Variants in ZNF710 observed in about 807,000 individuals in gnomAD.
ZNF710 encodes the protein zinc finger protein 710.
In ZNF710, 13 loss-of-function variants were observed where a neutral mutation model predicts 50.6. The ratio of observed to expected loss-of-function variants is 0.26; its 90% confidence interval spans 0.17 to 0.41. The LOEUF is 0.41. Ranked by LOEUF, ZNF710 falls within the 10% of genes least tolerant of loss-of-function variation. The probability of loss-of-function intolerance (pLI) is 1.00; values close to 1 mark genes in which losing one functional copy is unlikely to be tolerated. For missense variants in ZNF710, 721 were observed against 936.6 expected (o/e 0.77, Z 3.01); for synonymous variants, 383 against 397.0 (o/e 0.96, Z 0.42).
intron 1 of ZNF710, 23 bp downstream of exon 1, chr15:90,001,637 C>CGCCCCA (rs547516817): frequency 0.035 from 4,974 of 144,044 alleles, 122 homozygotes; most frequent in Non-Finnish European, 0.052. Flanking sequence ...CGCGGCCCCC[C>CGCCCCA]GCCCCAGCCC....
rs375360691 is a variant in ZNF710, at chr15:90,067,671, G to T, written c.534G>T (p.Pro178=). The part of the protein sequence containing the change: ...PRTLRHLPRT[P]RPELNVAPYD... Reference sequence around the variant, plus strand: ...CGCTCCGGCATCTGCCCCGAACCCCGAGGCCGGAGCTGAACGTGGCCCCAT... The same window carrying T: ...CGCTCCGGCATCTGCCCCGAACCCCTAGGCCGGAGCTGAACGTGGCCCCAT... Residue 178 remains proline (P), a synonymous_variant, in exon 2 of 5, where the codon CCG becomes CCT. Transcript: ENST00000268154. The surrounding 1 kb of genome is among the most constrained non-coding windows in gnomAD (Gnocchi z 8.1). 6.2e-7 allele frequency: 1 copy of T among 1,612,946 alleles called. No homozygotes were observed.
At chr15:90,065,979 G>C (rs1415312128) in intron 1 of ZNF710, among the ~76,000 whole-genome samples, 1 of 152,126 alleles carries the variant, frequency 6.6e-6, no homozygotes, top group East Asian at 1.9e-4. Context: ...CATTCAATTC[G>C]GATAGTGGCC....
At chr15:90,008,224 T>C (rs1295888860) in intron 1 of ZNF710, among the ~76,000 whole-genome samples, 1 of 151,806 alleles carries the variant, frequency 6.6e-6, no homozygotes, top group Non-Finnish European at 1.5e-5. Flanking sequence ...CTCACAGACC[T>C]GACCCTTCCC....
In ZNF710 at chr15:90,067,926, G is replaced by A. The variant is rs2151528587; in HGVS notation, c.789G>A (p.Val263=). The A allele has an allele frequency of 4.3e-6, 7 of 1,613,558 alleles. 1 individual carries two copies. In the East Asian group the frequency reaches 1.6e-4, roughly 36 times the overall value. The change falls in exon 2 of 5, where the codon GTG becomes GTA. Residue 263 remains valine (V), a synonymous_variant. Coordinates refer to ENST00000268154, the MANE Select transcript of ZNF710 (RefSeq NM_198526.4). The surrounding 1 kb of genome is among the most constrained non-coding windows in gnomAD (Gnocchi z 8.1). ...EFEADTAGST[V]ERHKKAQLDR... is the part of the protein sequence containing the mutation. ...AGGCTGACACGGCGGGTTCGACCGT[G>A]GAACGCCACAAGAAGGCCCAGCTGG... is the stretch of plus-strand genomic sequence containing the variant.
At chr15:90,008,817 T>C (rs957287623) in intron 1 of ZNF710, among the ~76,000 whole-genome samples, 2 of 151,976 alleles carry the variant, frequency 1.3e-5, no homozygotes, top group South Asian at 4.1e-4. Flanking sequence ...CAATCACCAT[T>C]GTAAAGGATT....
rs1250446897 is a variant in ZNF710 at position 90,080,814 on chromosome 15, C to T, written c.*985C>T. On this transcript the variant is annotated 3_prime_UTR_variant, in exon 5 of 5. Transcript: ENST00000268154. ...ATTTTAAAAAGGAAAGTAAAGCCCA[C>T]AGAGGGAAATCAAGGGTTTTTTTGA... The T allele has an allele frequency of 6.6e-6, 1 of 152,260 alleles. No homozygotes were observed. Among genetic ancestry groups the T allele is most frequent in the African/African-American group, 2.4e-5 (1 of 41,456 alleles). The allele number at this position is 152,260 out of a possible 1,614,324, so 9.4% of individuals were successfully genotyped here.
At chr15:90,020,751 ATCTG>A (rs978843109) in intron 1 of ZNF710, among the ~76,000 whole-genome samples, 15 of 152,094 alleles carry the variant, frequency 9.9e-5, no homozygotes, top group African/African-American at 3.6e-4. Flanking sequence ...TAGCCCCGTT[ATCTG>A]TCTGGGGATG....
At chr15:90,000,866 G>C (rs1252931492), upstream of ZNF710, among the ~76,000 whole-genome samples, 1 of 152,088 alleles carries the variant, frequency 6.6e-6, no homozygotes, top group East Asian at 1.9e-4. Flanking sequence ...CTTGGGGGGG[G>C]CGGGGCGCAG....
chr15:90,046,809 G>C (rs1899476574), intron 1 of ZNF710, among the ~76,000 whole-genome samples: 1 of 152,196 alleles, frequency 6.6e-6, no homozygotes, highest in South Asian at 2.1e-4. Flanking sequence ...ATGAGCTGTG[G>C]TGTGGGTAAA....
chr15:90,008,424 G>GTGTATATATATATATACATATATATATA (rs1596261843), intron 1 of ZNF710, among the ~76,000 whole-genome samples: 12 of 126,306 alleles, frequency 9.5e-5, no homozygotes, highest in Middle Eastern at 3.7e-3. Context: ...GTGTGTGTGT[G>GTGTATATATATATATACATATATATATA]TGTATATATA....
intron 1 of ZNF710, among the ~76,000 whole-genome samples, chr15:90,021,191 C>G (rs1332759658): frequency 6.6e-6 from 1 of 152,230 alleles, no homozygotes; most frequent in African/African-American, 2.4e-5. Flanking sequence ...GCATTAGACA[C>G]AGAAACACAG....
chr15:90,038,848 A>G (rs769735895), intron 1 of ZNF710, among the ~76,000 whole-genome samples: 3 of 152,098 alleles, frequency 2.0e-5, no homozygotes, highest in Admixed American at 6.5e-5. Flanking sequence ...CTCACCTGAT[A>G]ATTGCTTCAT....
upstream of ZNF710, among the ~76,000 whole-genome samples, chr15:90,000,775 G>T (rs1028898069): frequency 6.6e-6 from 1 of 152,152 alleles, no homozygotes; most frequent in Non-Finnish European, 1.5e-5. Flanking sequence ...TCGCACTTGG[G>T]AAGGAACCGG....
chr15:90,017,860 C>T (rs557167795), intron 1 of ZNF710, among the ~76,000 whole-genome samples: 28 of 152,124 alleles, frequency 1.8e-4, no homozygotes, highest in East Asian at 5.8e-4. Context: ...ATAAAGGGAC[C>T]GGCAACATTG....
At chr15:90,019,950 T>C (rs531542283) in intron 1 of ZNF710, among the ~76,000 whole-genome samples, 11 of 152,242 alleles carry the variant, frequency 7.2e-5, no homozygotes, top group East Asian at 5.8e-4. Flanking sequence ...TTGGTGCTTA[T>C]TGGGGGGCGG....
intron 1 of ZNF710, among the ~76,000 whole-genome samples, chr15:90,027,493 A>G (rs1898814680): frequency 6.6e-6 from 1 of 152,154 alleles, no homozygotes; most frequent in Admixed American, 6.5e-5. Flanking sequence ...TATAGACGTG[A>G]GCCATATGCC....
chr15:90,067,030 A>G lies in ZNF710; in HGVS notation c.-28-80A>G. ...AGCCAGACACACCCAAAATCAGCCA[A>G]GCCCTTGTCTGTGCTGTGTCTGTTG... On this transcript the variant is annotated intron_variant, in intron 1 of 4. Coordinates refer to ENST00000268154, the MANE Select transcript of ZNF710 (RefSeq NM_198526.4). The surrounding 1 kb of genome is among the most constrained non-coding windows in gnomAD (Gnocchi z 8.1). 1 of 1,455,954 alleles carries G rather than the reference A, an allele frequency of 6.9e-7. No individual in the cohort carries two copies. The highest frequency in any genetic ancestry group is 2.5e-5 in the Admixed American group (1 of 39,806). The allele number at this position is 1,455,954 out of a possible 1,614,324, so 90.2% of individuals were successfully genotyped here.
intron 1 of ZNF710, among the ~76,000 whole-genome samples, chr15:90,066,649 A>G (rs545063854): frequency 6.6e-6 from 1 of 151,886 alleles, no homozygotes; most frequent in South Asian, 2.1e-4. Context: ...CTAATTTTGT[A>G]TTTTTAGTAG....
At position 90,047,138 on chromosome 15, in the gene ZNF710, G is replaced by T. The variant is rs540738298; in HGVS notation, c.-28-19972G>T. 6.2e-5 allele frequency among the ~76,000 whole-genome samples: 9 copies of T among 145,544 alleles called. No homozygotes were observed. In the South Asian group the frequency reaches 2.1e-3, roughly 34 times the overall value. Reference sequence around the variant, plus strand: ...GTGGGTGGGGACAGGACGAGGGTCCGAGTTTGAGGCAGGCATGTTTCCAGG... The same window carrying T: ...GTGGGTGGGGACAGGACGAGGGTCCTAGTTTGAGGCAGGCATGTTTCCAGG... On this transcript the variant is annotated intron_variant, in intron 1 of 4. Transcript: ENST00000268154.
Sources: gnomAD v4.1 joint callset for allele counts (sites outside exome capture counted in the v4.1 genomes callset) on GRCh38, gnomAD v4.1.1 for gene constraint, Gnocchi (gnomAD v3.1) non-coding constraint, MANE v1.5 for transcripts, NCBI Gene and HGNC (gene_info 2026-07-23, HGNC 2026-07-21) for gene names.